The following ZRANB3 variants were observed in gnomAD, a reference collection of about 807,000 sequenced individuals.
The protein encoded by ZRANB3 is DNA annealing helicase and endonuclease ZRANB3.
A neutral mutation model predicts 133.8 loss-of-function variants in ZRANB3; 125 were observed. That is an observed-to-expected ratio of 0.93 (90% confidence interval 0.81 to 1.08). The LOEUF (loss-of-function observed/expected upper bound fraction) is 1.08. ZRANB3 is among the 50% of genes least tolerant of loss of function. The probability of loss-of-function intolerance (pLI) is 0.00; values close to 1 mark genes in which losing one functional copy is unlikely to be tolerated. For synonymous variants in ZRANB3, 387 were observed against 432.7 expected, an observed-to-expected ratio of 0.89 and a Z score of 1.31; for missense variants, 1,229 against 1,275.5, an observed-to-expected ratio of 0.96 and a Z score of 0.56.
intron 1 of ZRANB3, chr2:135,511,623 T>A (rs187306945): frequency 5.1e-6 from 4 of 786,826 alleles, no homozygotes; most frequent in Non-Finnish European, 9.3e-6. Context: ...TCTGCATGAA[T>A]CTCCTCAAAG....
chr2:135,291,584 T>G (rs919524227), intron 8 of ZRANB3, among the ~76,000 whole-genome samples: 14 of 151,666 alleles, frequency 9.2e-5, no homozygotes, highest in African/African-American at 3.4e-4. Context: ...TTTTATTTTA[T>G]TTTATTTTTT....
At chr2:135,247,259 A>T (rs1022445648) in intron 12 of ZRANB3, among the ~76,000 whole-genome samples, 7 of 152,220 alleles carry the variant, frequency 4.6e-5, no homozygotes, top group African/African-American at 1.7e-4. Context: ...AAACAAGCCA[A>T]CAAGAGTCTG....
At chr2:135,377,274 T>C (rs1195094186) in intron 3 of ZRANB3, among the ~76,000 whole-genome samples, 2 of 152,196 alleles carry the variant, frequency 1.3e-5, no homozygotes, top group Non-Finnish European at 2.9e-5. Context: ...TATATATGTA[T>C]ATCTATGTAT....
At chr2:135,419,187 T>C (rs1428309073) in intron 2 of ZRANB3, among the ~76,000 whole-genome samples, 2 of 151,978 alleles carry the variant, frequency 1.3e-5, no homozygotes, top group African/African-American at 4.8e-5. Context: ...TCCACCCGCC[T>C]CAACCTCCCA....
At chr2:135,206,698 AAGGAAGGAAGGG>A (rs1287188532) in intron 19 of ZRANB3, among the ~76,000 whole-genome samples, 2 of 148,888 alleles carry the variant, frequency 1.3e-5, no homozygotes, top group African/African-American at 4.9e-5. Flanking sequence ...GAAAGGAGAA[AAGGAAGGAAGGG>A]AGGAAGGAAG....
chr2:135,511,412 T>A, intron 1 of ZRANB3: 1 of 812,866 alleles, frequency 1.2e-6, no homozygotes, highest in Non-Finnish European at 2.2e-6. Flanking sequence ...TACTGACAAC[T>A]GCCTGATCAC....
At chr2:135,436,964 CA>C (rs1341284423) in intron 2 of ZRANB3, among the ~76,000 whole-genome samples, 5 of 152,066 alleles carry the variant, frequency 3.3e-5, no homozygotes, top group Non-Finnish European at 7.4e-5. Context: ...TAAATTGTGC[CA>C]TATTCTTTTT....
intron 2 of ZRANB3, among the ~76,000 whole-genome samples, chr2:135,503,457 T>C (rs553509127): frequency 1.4e-3 from 218 of 152,284 alleles, no homozygotes; most frequent in Middle Eastern, 6.8e-3. Context: ...TAATAAAATG[T>C]TGAAGAGAAA....
At chr2:135,473,591 T>C (rs1331776235) in intron 2 of ZRANB3, among the ~76,000 whole-genome samples, 1 of 151,922 alleles carries the variant, frequency 6.6e-6, no homozygotes, top group African/African-American at 2.4e-5. Flanking sequence ...GAAATACACA[T>C]TCGATTTTAA....
intron 2 of ZRANB3, among the ~76,000 whole-genome samples, chr2:135,431,120 A>AAAT (rs1689302140): frequency 2.0e-5 from 3 of 150,826 alleles, no homozygotes; most frequent in Non-Finnish European, 4.4e-5. Flanking sequence ...AAAAAAAAAA[A>AAAT]AAATAAATAA....
At chr2:135,390,325 G>A (rs368220406) in intron 3 of ZRANB3, among the ~76,000 whole-genome samples, 9 of 152,152 alleles carry the variant, frequency 5.9e-5, no homozygotes, top group East Asian at 3.8e-4. Context: ...CTCCATTTCA[G>A]AGAGAAAACA....
intron 8 of ZRANB3, among the ~76,000 whole-genome samples, chr2:135,277,422 T>TGAACATGC (rs1680882633): frequency 1.3e-5 from 2 of 152,150 alleles, no homozygotes; most frequent in African/African-American, 4.8e-5. Context: ...TCAATAGATA[T>TGAACATGC]TTGTAGAAAG....
chr2:135,404,343 G>C (rs899945920), intron 2 of ZRANB3, among the ~76,000 whole-genome samples: 2 of 152,278 alleles, frequency 1.3e-5, no homozygotes, highest in East Asian at 3.9e-4. Context: ...CTGGAAGAAA[G>C]GGTATCAGTG....
At chr2:135,390,143 T>C (rs968999578) in intron 3 of ZRANB3, among the ~76,000 whole-genome samples, 9 of 152,060 alleles carry the variant, frequency 5.9e-5, no homozygotes, top group African/African-American at 1.9e-4. Flanking sequence ...CCTCCCAAAG[T>C]GTTGGGATTA....
intron 8 of ZRANB3, among the ~76,000 whole-genome samples, chr2:135,311,912 T>C (rs1291030196): frequency 6.6e-6 from 1 of 152,200 alleles, no homozygotes; most frequent in Non-Finnish European, 1.5e-5. Context: ...TGTTCCATTT[T>C]TGTGACATTC....
Position 135,306,075 on chromosome 2 carries a change from T to C in ZRANB3, c.966+7414A>G, listed in dbSNP as rs79782429. 9.0e-3 allele frequency among the ~76,000 whole-genome samples: 1,377 copies of C among 152,316 alleles called. 19 individuals carry two copies. Among genetic ancestry groups the C allele is most frequent in the African/African-American group, 0.03 (1,240 of 41,572 alleles). ...CTTGCAGACCTTTTCAGGTTGTATCTATTTGATAAGTCTTTGAGCTTCCTG... is the reference window on the plus strand; with the variant it reads ...CTTGCAGACCTTTTCAGGTTGTATCCATTTGATAAGTCTTTGAGCTTCCTG... On this transcript the variant is annotated intron_variant, in intron 8 of 20. Transcript: ENST00000264159.
intron 2 of ZRANB3, among the ~76,000 whole-genome samples, chr2:135,402,295 CTT>C (rs374450905): frequency 4.7e-4 from 63 of 133,812 alleles, no homozygotes; most frequent in African/African-American, 1.2e-3. Flanking sequence ...TTCTTTCTCT[CTT>C]TTTTTTTTTT....
intron 12 of ZRANB3, among the ~76,000 whole-genome samples, chr2:135,248,452 G>A (rs555526477): frequency 6.6e-6 from 1 of 152,312 alleles, no homozygotes; most frequent in African/African-American, 2.4e-5. Context: ...TTAAACTTAA[G>A]AGCTTCTGCA....
intron 2 of ZRANB3, among the ~76,000 whole-genome samples, chr2:135,401,931 C>T (rs1014940074): frequency 6.6e-6 from 1 of 152,114 alleles, no homozygotes; most frequent in African/African-American, 2.4e-5. Context: ...ACCTCAATAG[C>T]ATCAATTTAG....
Sources: gnomAD v4.1 joint callset for allele counts (sites outside exome capture counted in the v4.1 genomes callset) on GRCh38, gnomAD v4.1.1 for gene constraint, MANE v1.5 for transcripts, NCBI Gene and HGNC (gene_info 2026-07-23, HGNC 2026-07-21) for gene names.